FBRSL1: variants seen among roughly 807,000 people sequenced by gnomAD.
FBRSL1 encodes fibrosin like 1, also known as fibrosin-1-like protein.
Under a neutral mutation model 89.6 loss-of-function variants are expected in FBRSL1, and 51 were observed. The ratio of observed to expected loss-of-function variants is 0.57; its 90% confidence interval spans 0.45 to 0.72. The LOEUF (loss-of-function observed/expected upper bound fraction) is 0.72, where lower values mean the gene tolerates loss of function less well. Among genes scored for constraint, FBRSL1 ranks in the 30% least tolerant of loss-of-function variants. FBRSL1 has a pLI of 0.00. For missense variants in FBRSL1, 1,618 were observed against 1,451.8 expected (o/e 1.11, Z -1.86); for synonymous variants, 779 against 681.1 (o/e 1.14, Z -2.24).
chr12:132,529,199 A>G (rs2036050091), intron 4 of FBRSL1, among the ~76,000 whole-genome samples: 1 of 152,208 alleles, frequency 6.6e-6, no homozygotes, highest in South Asian at 2.1e-4. Flanking sequence ...TCACTAAACC[A>G]CAGCAGCTTT....
At position 132,542,011 on chromosome 12, in the gene FBRSL1, G is replaced by A. The variant is rs565607919; in HGVS notation, c.616-5992G>A. Among the ~76,000 whole-genome samples the A allele has an allele frequency of 1.8e-4, 28 of 152,142 alleles. No homozygotes were observed. The East Asian group carries it at 3.7e-3, about 20-fold the overall frequency. On this transcript the variant is annotated intron_variant, in intron 4 of 18. Transcript: ENST00000680143. ...CCCACGAGGGCCCAGCACAGGTGGC[G>A]CAGGTGGTCCTTTTCCCCACTCGGC...
Position 132,499,475 on chromosome 12 carries a change from C to A in FBRSL1, c.291+8614C>A, listed in dbSNP as rs567697726. 5.9e-5 allele frequency among the ~76,000 whole-genome samples: 9 copies of A among 152,360 alleles called. No homozygotes were observed. The highest frequency in any genetic ancestry group is 1.3e-4 in the Non-Finnish European group (9 of 68,034). On this transcript the variant is annotated intron_variant, in intron 1 of 18. Coordinates refer to ENST00000680143, the MANE Select transcript of FBRSL1 (RefSeq NM_001367871.1). The surrounding 1 kb of genome is among the most constrained non-coding windows in gnomAD (Gnocchi z 4.3). ...GCCCTGGGCCGGCCCCCAAGATACACCCACAGGCCCCATTGCCAGTGAGTA... is the reference window on the plus strand; with the variant it reads ...GCCCTGGGCCGGCCCCCAAGATACAACCACAGGCCCCATTGCCAGTGAGTA...
rs1361275299 is a variant in FBRSL1 at position 132,546,975 on chromosome 12, T to C, written c.616-1028T>C. Among the ~76,000 whole-genome samples, 1 of 152,192 alleles carries C rather than the reference T, an allele frequency of 6.6e-6. No individual in the cohort carries two copies. Among genetic ancestry groups the C allele is most frequent in the African/African-American group, 2.4e-5 (1 of 41,452 alleles). On this transcript the variant is annotated intron_variant, in intron 4 of 18. Transcript: ENST00000680143. The surrounding 1 kb of genome is among the most constrained non-coding windows in gnomAD (Gnocchi z 4.0). ...CACATAGGAGGGCGCCGCCCACACATCCGGCTGGCACTCACCACCCTCCGT... is the reference window on the plus strand; with the variant it reads ...CACATAGGAGGGCGCCGCCCACACACCCGGCTGGCACTCACCACCCTCCGT...
chr12:132,538,806 C>T (rs547509330), intron 4 of FBRSL1, among the ~76,000 whole-genome samples: 2 of 151,052 alleles, frequency 1.3e-5, no homozygotes, highest in Admixed American at 1.3e-4. Flanking sequence ...ACTGAATTTG[C>T]TGAGTAAGCA....
rs556233285 is a variant in FBRSL1, at chr12:132,581,843, G to GC, written c.1996+25dup. 1,143 of 1,525,100 alleles carry GC rather than the reference G, an allele frequency of 7.5e-4. 4 individuals carry two copies. In the African/African-American group the frequency reaches 0.011, roughly 15 times the overall value. 94.5% of individuals were successfully genotyped at this position (1,525,100 alleles called of 1,614,324 possible). ...GCACTGGGTGAGTGACCCAGCCTGT[G>GC]CCCCCCTCCCCCGATGCCCGCGCCC... On this transcript the variant is annotated intron_variant, in intron 17 of 18. Transcript: ENST00000680143.
intron 6 of FBRSL1, among the ~76,000 whole-genome samples, chr12:132,568,792 G>A (rs1003444083): frequency 8.5e-5 from 13 of 152,122 alleles, no homozygotes; most frequent in East Asian, 7.7e-4. Flanking sequence ...TGTGTCCTCC[G>A]CGCAGCCTCT....
chr12:132,564,846 G>T, intron 5 of FBRSL1, among the ~76,000 whole-genome samples: 1 of 151,614 alleles, frequency 6.6e-6, no homozygotes, highest in South Asian at 2.1e-4. Context: ...GGCCAGGATG[G>T]TCTCGATCTG....
At position 132,499,988 on chromosome 12, in the gene FBRSL1, C is replaced by T. The variant is rs1185366719; in HGVS notation, c.292-8165C>T. Among the ~76,000 whole-genome samples the T allele has an allele frequency of 6.6e-6, 1 of 152,048 alleles. No individual in the cohort carries two copies. Among genetic ancestry groups the T allele is most frequent in the Non-Finnish European group, 1.5e-5 (1 of 67,994 alleles). On this transcript the variant is annotated intron_variant, in intron 1 of 18. Transcript: ENST00000680143. The surrounding 1 kb of genome is among the most constrained non-coding windows in gnomAD (Gnocchi z 4.3). The stretch of plus-strand genomic sequence containing the variant: ...AGGCTGGGTGGGCTACTGGGCTCTC[C>T]GCAGCCCAGACAGGTGTGAAGGTCT...
intron 4 of FBRSL1, among the ~76,000 whole-genome samples, chr12:132,538,787 C>T (rs933169934): frequency 6.6e-6 from 1 of 152,150 alleles, no homozygotes; most frequent in African/African-American, 2.4e-5. Context: ...AGCCTAAATA[C>T]TCATAAAAAC....
At position 132,583,135 on chromosome 12, in the gene FBRSL1, C is replaced by T. The variant is rs1369890458; in HGVS notation, c.2366C>T (p.Ala789Val). The T allele has an allele frequency of 1.4e-6, 2 of 1,463,794 alleles. No homozygotes were observed. The highest frequency in any genetic ancestry group is 9.0e-7 in the Non-Finnish European group (1 of 1,112,098). 90.7% of individuals were successfully genotyped at this position (1,463,794 alleles called of 1,614,324 possible). The change falls in exon 19 of 19, where the codon GCC becomes GTC. Residue 789 changes from alanine (A) to valine (V), a missense_variant. Physicochemically the swap from Ala to Val is moderately conservative, Grantham distance 64 (BLOSUM62 0). Coordinates refer to ENST00000680143, the MANE Select transcript of FBRSL1 (RefSeq NM_001367871.1). The part of the protein sequence containing the change: ...EPRVKESRSP[A>V]KEEAAKMPAR... ...CGGGTCAAGGAGAGCCGCTCCCCGG[C>T]CAAGGAGGAGGCCGCCAAGATGCCC...
chr12:132,547,181 G>A (rs1014277314), intron 4 of FBRSL1, among the ~76,000 whole-genome samples: 30 of 151,054 alleles, frequency 2.0e-4, no homozygotes, highest in African/African-American at 6.9e-4. Context: ...TTCTTCGTAG[G>A]GCTCTGCTTA....
At chr12:132,581,909 G>GCGCCCCTCCCCCAT in intron 17 of FBRSL1, 85 bp downstream of exon 17, 5 of 1,368,288 alleles carry the variant, frequency 3.7e-6, no homozygotes, top group Non-Finnish European at 4.9e-6. Flanking sequence ...CCCGATGCCT[G>GCGCCCCTCCCCCAT]GCTGACCTCC....
chr12:132,511,290 G>A (rs551483512), intron 2 of FBRSL1: 548 of 985,586 alleles, frequency 5.6e-4, no homozygotes, highest in South Asian at 2.8e-3. Flanking sequence ...GGTGGGCAGC[G>A]CCTTCTCCCG....
intron 2 of FBRSL1, among the ~76,000 whole-genome samples, chr12:132,522,855 C>T (rs971895550): frequency 2.0e-5 from 3 of 152,058 alleles, no homozygotes; most frequent in African/African-American, 7.2e-5. Context: ...GCTGCCTTTC[C>T]CCCCGCACCT....
intron 5 of FBRSL1, among the ~76,000 whole-genome samples, chr12:132,557,741 C>T (rs917976407): frequency 6.6e-5 from 10 of 152,228 alleles, no homozygotes; most frequent in Admixed American, 5.9e-4. Context: ...ATTCCTTCTT[C>T]CTGCTCCCCC....
chr12:132,541,443 C>T (rs537554176), intron 4 of FBRSL1, among the ~76,000 whole-genome samples: 2 of 152,286 alleles, frequency 1.3e-5, no homozygotes, highest in South Asian at 4.1e-4. Flanking sequence ...ACCCCCCCAC[C>T]CCGGGGACAG....
In FBRSL1 at chr12:132,574,505, T is replaced by C; in HGVS notation, c.1642T>C (p.Trp548Arg). ...YRAVVKKPGRWCAVHVQIAWQ... is the reference protein window; with the variant it reads ...YRAVVKKPGRRCAVHVQIAWQ... Reference sequence around the variant, plus strand: ...CATCCTGTCGCAGAAGCCGGGGAGGTGGTGTGCCGTGCACGTGCAGATCGC... The same window carrying C: ...CATCCTGTCGCAGAAGCCGGGGAGGCGGTGTGCCGTGCACGTGCAGATCGC... The change falls in exon 14 of 19, where the codon TGG (tryptophan) becomes CGG (arginine). Residue 548 changes from tryptophan to arginine, a missense_variant. Trp to Arg is a moderately radical substitution (Grantham distance 101, BLOSUM62 -3). Transcript: ENST00000680143. The C allele has an allele frequency of 6.5e-7, 1 of 1,549,146 alleles. No homozygotes were observed.
intron 1 of FBRSL1, among the ~76,000 whole-genome samples, chr12:132,503,579 A>C (rs919138419): frequency 2.0e-5 from 3 of 152,222 alleles, no homozygotes; most frequent in Admixed American, 2.0e-4. Flanking sequence ...AATTAGACCC[A>C]GTCCCCACAC....
intron 4 of FBRSL1, among the ~76,000 whole-genome samples, chr12:132,528,708 A>G (rs1325498037): frequency 2.9e-5 from 4 of 138,882 alleles, no homozygotes; most frequent in Non-Finnish European, 4.7e-5. Flanking sequence ...TGAGAGAAGC[A>G]GGTGTGTTTC....
Sources: allele counts gnomAD v4.1 joint callset (sites outside exome capture counted in the v4.1 genomes callset), GRCh38; gene constraint gnomAD v4.1.1; non-coding constraint Gnocchi (gnomAD v3.1); transcripts MANE v1.5; gene names NCBI Gene and HGNC (gene_info 2026-07-23, HGNC 2026-07-21).